Variants in MAML3 observed in about 807,000 individuals in gnomAD.
The protein encoded by MAML3 is mastermind like transcriptional coactivator 3.
A neutral mutation model predicts 101.9 loss-of-function variants in MAML3; 27 were observed. The ratio of observed to expected loss-of-function variants is 0.27; its 90% CI spans 0.20 to 0.37. The LOEUF is 0.37. Ranked by LOEUF, MAML3 falls within the 10% of genes least tolerant of loss-of-function variation. The pLI is 1.00. For synonymous variants in MAML3, 501 were observed against 555.9 expected (o/e 0.90, Z 1.39); for missense variants, 1,316 against 1,444.9 (o/e 0.91, Z 1.45).
chr4:140,131,836 C>G (rs771407860), intron 1 of MAML3, among the ~76,000 whole-genome samples: 11 of 152,226 alleles, frequency 7.2e-5, no homozygotes, highest in African/African-American at 2.4e-4. Context: ...AAGGTGAAGG[C>G]TCTTTGGGTC....
chr4:139,784,809 A>G (rs1022469004), intron 2 of MAML3, among the ~76,000 whole-genome samples: 2 of 152,046 alleles, frequency 1.3e-5, no homozygotes, highest in Non-Finnish European at 2.9e-5. Context: ...CTCTTGCTTC[A>G]TTTCTTTGTT....
chr4:139,786,309 C>T (rs1272833603), intron 2 of MAML3, among the ~76,000 whole-genome samples: 6 of 151,676 alleles, frequency 4.0e-5, no homozygotes, highest in African/African-American at 7.3e-5. Flanking sequence ...TAAGACAAGG[C>T]GTATGAGTGC....
At chr4:140,132,725 T>C (rs1290049392) in intron 1 of MAML3, among the ~76,000 whole-genome samples, 1 of 152,226 alleles carries the variant, frequency 6.6e-6, no homozygotes, top group Non-Finnish European at 1.5e-5. Flanking sequence ...AAAACATTTG[T>C]TCACTGTTCT....
chr4:139,798,358 C>G (rs879694101), intron 2 of MAML3, among the ~76,000 whole-genome samples: 1 of 152,154 alleles, frequency 6.6e-6, no homozygotes, highest in Non-Finnish European at 1.5e-5. Context: ...GAACTCAACC[C>G]AAACCAAAGA....
intron 2 of MAML3, among the ~76,000 whole-genome samples, chr4:139,853,946 T>G (rs1325492029): frequency 6.6e-6 from 1 of 152,020 alleles, no homozygotes; most frequent in Non-Finnish European, 1.5e-5. Context: ...CTCAGCCTCC[T>G]GAGTAGCTGG....
chr4:139,850,312 T>C (rs1021146898), intron 2 of MAML3, among the ~76,000 whole-genome samples: 8 of 152,226 alleles, frequency 5.3e-5, no homozygotes, highest in Admixed American at 5.2e-4. Context: ...ATCCAGTTAA[T>C]CTCACTCTGC....
chr4:139,754,483 T>C (rs1013112514), intron 2 of MAML3, among the ~76,000 whole-genome samples: 1 of 152,242 alleles, frequency 6.6e-6, no homozygotes, highest in African/African-American at 2.4e-5. Flanking sequence ...TTATCATTTA[T>C]TTAACCAATT....
chr4:140,105,955 T>C (rs1356537812), intron 1 of MAML3, among the ~76,000 whole-genome samples: 1 of 152,102 alleles, frequency 6.6e-6, no homozygotes, highest in Non-Finnish European at 1.5e-5. Flanking sequence ...TGAGCCAGCC[T>C]GGTTTTTCTA....
chr4:140,094,214 G>A (rs894444552), intron 1 of MAML3, among the ~76,000 whole-genome samples: 1 of 152,198 alleles, frequency 6.6e-6, no homozygotes, highest in African/African-American at 2.4e-5. Flanking sequence ...TCAGAGAATG[G>A]ACCTGTCTTC....
intron 2 of MAML3, among the ~76,000 whole-genome samples, chr4:139,850,282 T>C (rs1731524223): frequency 6.6e-6 from 1 of 152,228 alleles, no homozygotes; most frequent in South Asian, 2.1e-4. Context: ...TCACTATTAC[T>C]GTCTCAGCAC....
chr4:140,086,414 T>C (rs578194348), intron 1 of MAML3, among the ~76,000 whole-genome samples: 6 of 152,340 alleles, frequency 3.9e-5, no homozygotes, highest in Admixed American at 2.6e-4. Flanking sequence ...ATACACTGTC[T>C]CGTCGTCCAA....
At chr4:139,935,315 G>A (rs964259969) in intron 1 of MAML3, among the ~76,000 whole-genome samples, 44 of 150,628 alleles carry the variant, frequency 2.9e-4, no homozygotes, top group African/African-American at 1.0e-3. Context: ...AATGATGCTT[G>A]GAAATTAATA....
At chr4:139,826,966 G>C (rs985735450) in intron 2 of MAML3, among the ~76,000 whole-genome samples, 4 of 152,166 alleles carry the variant, frequency 2.6e-5, no homozygotes, top group African/African-American at 9.7e-5. Flanking sequence ...CACAACAAGA[G>C]TTGAGGACAA....
In MAML3 at chr4:139,719,808, C is replaced by T. The variant is rs1284470443; in HGVS notation, c.2932G>A (p.Glu978Lys). The T allele has an allele frequency of 3.1e-6, 5 of 1,613,456 alleles. No individual in the cohort carries two copies. In the African/African-American group the frequency reaches 6.7e-5, roughly 22 times the overall value. Residue 978 changes from glutamate (E) to lysine (K), a missense_variant, in exon 5 of 5, where the codon GAA (glutamate) becomes AAA (lysine). Transcript: ENST00000509479. ...LQGMPGRTSG[E>K]LGPFNNGASY... The stretch of plus-strand genomic sequence containing the variant: ...GCGCCATTGTTGAATGGTCCCAATT[C>T]TCCACTAGTCCTCCCAGGCATGCCC...
At chr4:140,054,884 T>C (rs1727326745) in intron 1 of MAML3, among the ~76,000 whole-genome samples, 2 of 152,236 alleles carry the variant, frequency 1.3e-5, no homozygotes, top group South Asian at 4.1e-4. Flanking sequence ...CTGTAGAATA[T>C]TTTTAAAGTG....
Position 139,947,705 on chromosome 4 carries a change from A to G in MAML3, c.469-56738T>C, listed in dbSNP as rs139419246. 5.5e-3 allele frequency among the ~76,000 whole-genome samples: 839 copies of G among 152,274 alleles called. 11 individuals are homozygous for G. The highest frequency in any genetic ancestry group is 0.019 in the African/African-American group (805 of 41,542). On this transcript the variant is annotated intron_variant, in intron 1 of 4. Transcript: ENST00000509479. ...CCTGCTGTGATCCTGGAGCAAGTTA[A>G]TCTCTCTATGCCTCAGTTTCGACAG...
At chr4:139,750,884 T>C (rs190396652) in intron 2 of MAML3, among the ~76,000 whole-genome samples, 19 of 152,348 alleles carry the variant, frequency 1.2e-4, no homozygotes, top group African/African-American at 4.6e-4. Flanking sequence ...GGTTTTTGTT[T>C]TGCTTTTACA....
chr4:139,950,017 G>T (rs1225280260), intron 1 of MAML3, among the ~76,000 whole-genome samples: 1 of 152,164 alleles, frequency 6.6e-6, no homozygotes, highest in Non-Finnish European at 1.5e-5. Context: ...CTTCCAGCCT[G>T]CAGATTTTGG....
chr4:139,839,374 A>T (rs1030229550), intron 2 of MAML3, among the ~76,000 whole-genome samples: 2 of 152,116 alleles, frequency 1.3e-5, no homozygotes, highest in African/African-American at 4.8e-5. Flanking sequence ...GCTAAGGATC[A>T]ATTGCTTTTG....
Sources: gnomAD v4.1 joint callset for allele counts (sites outside exome capture counted in the v4.1 genomes callset) on GRCh38, gnomAD v4.1.1 for gene constraint, MANE v1.5 for transcripts, NCBI Gene and HGNC (gene_info 2026-07-23, HGNC 2026-07-21) for gene names.